CCL17: variants seen among roughly 807,000 people sequenced by gnomAD.
CCL17 encodes the protein C-C motif chemokine 17.
In CCL17, 8 loss-of-function variants were observed where a neutral mutation model predicts 7.4. The observed-to-expected ratio is 1.09, with a 90% CI of 0.64 to 1.96. CCL17 has a LOEUF of 1.96. Ranked by LOEUF, CCL17 falls within the 30% of genes most tolerant of loss-of-function variation. The pLI, the probability that CCL17 is intolerant of heterozygous loss-of-function variation, is 0.00. For missense variants in CCL17, 102 were observed against 113.0 expected (o/e 0.90, Z 0.44); for synonymous variants, 40 against 46.1 (o/e 0.87, Z 0.54).
At position 57,415,167 on chromosome 16, in the gene CCL17, A is replaced by G; in HGVS notation, c.157A>G (p.Thr53Ala). ...PLRKLKTWYQ[T>A]SEDCSRDAIV... ...TAGAAAGCTGAAGACGTGGTACCAGACATCTGAGGACTGCTCCAGGGATGC... is the reference window on the plus strand; with the variant it reads ...TAGAAAGCTGAAGACGTGGTACCAGGCATCTGAGGACTGCTCCAGGGATGC... The change falls in exon 3 of 4, where the codon ACA becomes GCA. Residue 53 changes from threonine to alanine, a missense_variant. By Grantham distance (58) the Thr-to-Ala change is moderately conservative (BLOSUM62 0). Coordinates refer to ENST00000219244, the MANE Select transcript of CCL17 (RefSeq NM_002987.3). This position sits in a 1 kb window ranked among gnomAD's most constrained non-coding sequence, Gnocchi z 4.5. 6.2e-7 allele frequency: 1 copy of G among 1,612,902 alleles called. No individual in the cohort carries two copies. The highest frequency in any genetic ancestry group is 8.5e-7 in the Non-Finnish European group (1 of 1,178,884).
upstream of CCL17, among the ~76,000 whole-genome samples, chr16:57,401,196 T>C (rs1485121192): frequency 1.3e-5 from 2 of 152,040 alleles, no homozygotes; most frequent in Admixed American, 6.6e-5. Context: ...GAAGTATAGA[T>C]ACAAGATGAT....
chr16:57,413,560 T>C (rs1476066004), intron 1 of CCL17, among the ~76,000 whole-genome samples: 1 of 152,206 alleles, frequency 6.6e-6, no homozygotes, highest in Non-Finnish European at 1.5e-5. Flanking sequence ...AAGGATGCTC[T>C]CCAGCTACAG....
At chr16:57,398,371 C>T in the CCL17 span, among the ~76,000 whole-genome samples, 1 of 152,212 alleles carries the variant, frequency 6.6e-6, no homozygotes, top group African/African-American at 2.4e-5. Flanking sequence ...TTCCCACTCT[C>T]TCTGTGATGT....
chr16:57,411,894 G>A (rs534274276), intron 1 of CCL17, among the ~76,000 whole-genome samples: 1 of 152,326 alleles, frequency 6.6e-6, no homozygotes, highest in East Asian at 1.9e-4. Flanking sequence ...TGGGATGTTG[G>A]CACCAAAGAG....
At chr16:57,403,661 T>C (rs1902653053), upstream of CCL17, among the ~76,000 whole-genome samples, 1 of 89,764 alleles carries the variant, frequency 1.1e-5, no homozygotes, top group African/African-American at 4.8e-5. Context: ...AATATATATA[T>C]ATATATATTT....
rs1902852117 is a variant in CCL17, at chr16:57,415,287, AG to A, written c.188+92del. 2.3e-6 allele frequency: 2 copies of A among 884,206 alleles called. No individual in the cohort carries two copies. The highest frequency in any genetic ancestry group is 3.8e-6 in the Non-Finnish European group (2 of 521,954). The allele number at this position is 884,206 out of a possible 1,614,324, so 54.8% of individuals were successfully genotyped here. On this transcript the variant is annotated intron_variant, in intron 3 of 3. Coordinates refer to ENST00000219244, the MANE Select transcript of CCL17 (RefSeq NM_002987.3). The surrounding 1 kb of genome is among the most constrained non-coding windows in gnomAD (Gnocchi z 4.5). ...GCTCCCAGGACGGCCAATGGGGAGC[AG>A]GGAAGAGACAGCGGGGCCTTCCTCC...
At chr16:57,397,980 A>G in the CCL17 span, among the ~76,000 whole-genome samples, 1 of 152,144 alleles carries the variant, frequency 6.6e-6, no homozygotes, top group Non-Finnish European at 1.5e-5. Context: ...TGGGTGGCAT[A>G]AGTCTGGGCT....
intron 1 of CCL17, among the ~76,000 whole-genome samples, chr16:57,411,342 C>T (rs184402): frequency 0.49 from 74,198 of 152,016 alleles, 19,709 homozygotes; most frequent in Non-Finnish European, 0.61. Context: ...CCCTGCCAGC[C>T]AGGCAGCCTG....
chr16:57,405,485 G>GA (rs1379925572), intron 1 of CCL17, among the ~76,000 whole-genome samples: 2 of 152,060 alleles, frequency 1.3e-5, no homozygotes, highest in Admixed American at 6.5e-5. Context: ...GGCTTGAACA[G>GA]AAAAAAAGGA....
chr16:57,401,880 G>T (rs770895167), upstream of CCL17, among the ~76,000 whole-genome samples: 2 of 152,120 alleles, frequency 1.3e-5, no homozygotes, highest in African/African-American at 4.8e-5. Flanking sequence ...ACCCTTGCTG[G>T]GTTTCCACTC....
chr16:57,407,947 C>T (rs747637570), intron 1 of CCL17, among the ~76,000 whole-genome samples: 29 of 151,798 alleles, frequency 1.9e-4, no homozygotes, highest in Non-Finnish European at 2.6e-4. Context: ...TCTCACCATC[C>T]GTCCACACAT....
At chr16:57,402,649 C>A (rs1433654055), upstream of CCL17, among the ~76,000 whole-genome samples, 1 of 152,152 alleles carries the variant, frequency 6.6e-6, no homozygotes, top group Non-Finnish European at 1.5e-5. Flanking sequence ...GAGAGTCAGA[C>A]TCTAGCAATG....
At chr16:57,412,315 T>TGAG (rs1397021141) in intron 1 of CCL17, among the ~76,000 whole-genome samples, 1 of 152,068 alleles carries the variant, frequency 6.6e-6, no homozygotes, top group African/African-American at 2.4e-5. Context: ...CAGCCCTTGC[T>TGAG]GAGGGGTGGG....
In CCL17 at chr16:57,413,909, A is replaced by G; in HGVS notation, c.-24A>G. The G allele has an allele frequency of 6.3e-7, 1 of 1,590,336 alleles. No homozygotes were observed. ...TGAGCAGAGGGACCTGCACACAGAG[A>G]CTCCCTCCTGGGCTCCTGGCACCAT... On this transcript the variant is annotated 5_prime_UTR_variant, in exon 2 of 4. Transcript: ENST00000219244.
At chr16:57,401,014 A>G (rs1442376616), upstream of CCL17, among the ~76,000 whole-genome samples, 1 of 151,542 alleles carries the variant, frequency 6.6e-6, no homozygotes, top group African/African-American at 2.4e-5. Flanking sequence ...CTTAGTAACT[A>G]AGCCAGCAGG....
upstream of CCL17, among the ~76,000 whole-genome samples, chr16:57,403,112 A>C (rs1226104493): frequency 3.6e-5 from 4 of 111,940 alleles, no homozygotes; most frequent in East Asian, 9.1e-4. Flanking sequence ...ATACATATAT[A>C]TATTTATAAT....
chr16:57,408,033 CTATT>C (rs1359629060), intron 1 of CCL17, among the ~76,000 whole-genome samples: 7 of 151,408 alleles, frequency 4.6e-5, no homozygotes, highest in African/African-American at 1.7e-4. Context: ...ATCCATCCAT[CTATT>C]TATTCTTTTG....
At chr16:57,399,495 G>A in the CCL17 span, among the ~76,000 whole-genome samples, 3 of 150,940 alleles carry the variant, frequency 2.0e-5, no homozygotes, top group African/African-American at 7.4e-5. Context: ...CTGTCGCCCA[G>A]GCTGGAGTGC....
Position 57,415,760 on chromosome 16 carries a change from T to G in CCL17, c.189-5T>G. ...CACTCCTGGTAACGTCCTCCTTCTG[T>G]GTAGTTTTGTAACTGTGCAGGGCAG... On this transcript the variant is annotated splice_polypyrimidine_tract_variant and splice_region_variant and intron_variant, in intron 3 of 3. Coordinates refer to ENST00000219244, the MANE Select transcript of CCL17 (RefSeq NM_002987.3). The surrounding 1 kb of genome is among the most constrained non-coding windows in gnomAD (Gnocchi z 4.5). 6.3e-7 allele frequency: 1 copy of G among 1,598,104 alleles called. No individual in the cohort carries two copies. The highest frequency in any genetic ancestry group is 8.6e-7 in the Non-Finnish European group (1 of 1,165,402).
Sources: gnomAD v4.1 joint callset for allele counts (sites outside exome capture counted in the v4.1 genomes callset) on GRCh38, gnomAD v4.1.1 for gene constraint, Gnocchi (gnomAD v3.1) non-coding constraint, MANE v1.5 for transcripts, NCBI Gene and HGNC (gene_info 2026-07-23, HGNC 2026-07-21) for gene names.